Variants in KCNQ2 observed in about 807,000 individuals in gnomAD.
The protein encoded by KCNQ2 is potassium voltage-gated channel subfamily KQT member 2.
KCNQ2 carries 14 observed loss-of-function variants against 84.8 expected under a neutral mutation model. The observed-to-expected ratio is 0.17, with a 90% CI of 0.11 to 0.26. KCNQ2 has a LOEUF of 0.26. KCNQ2 is among the 10% of genes least tolerant of loss of function. KCNQ2 has a pLI of 1.00. For missense variants in KCNQ2, 788 were observed against 1,254.0 expected (o/e 0.63, Z 5.61); for synonymous variants, 599 against 554.1 (o/e 1.08, Z -1.14).
chr20:63,449,162 G>C (rs1450361255), intron 1 of KCNQ2: 1 of 152,412 alleles, frequency 6.6e-6, no homozygotes, highest in African/African-American at 2.4e-5. Flanking sequence ...CAGCACAGAA[G>C]GATGGGAGAA....
At chr20:63,433,613 A>G in intron 8 of KCNQ2, 196 bp downstream of exon 8, 1 of 1,007,954 alleles carries the variant, frequency 9.9e-7, no homozygotes, top group Non-Finnish European at 1.5e-6. Context: ...ATGAAAGTGA[A>G]GAGAAAGCCG....
intron 12 of KCNQ2, 112 bp from the exon 13 acceptor site, chr20:63,415,238 A>G: frequency 1.0e-6 from 1 of 1,000,502 alleles, no homozygotes; most frequent in South Asian, 1.4e-5. Flanking sequence ...CCGGAGGGAG[A>G]CACAGGTCTG....
In KCNQ2 at chr20:63,414,834, C is replaced by T; in HGVS notation, c.1525+69G>A. ...AAGCAGCTGCGACGCCACAGGGTGGCCACAGTAGCGTGGCCACCACATCCA... is the reference window on the plus strand; with the variant it reads ...AAGCAGCTGCGACGCCACAGGGTGGTCACAGTAGCGTGGCCACCACATCCA... On this transcript the variant is annotated intron_variant, in intron 13 of 16. Coordinates refer to ENST00000359125, the MANE Select transcript of KCNQ2 (RefSeq NM_172107.4). This position sits in a 1 kb window ranked among gnomAD's most constrained non-coding sequence, Gnocchi z 6.6. The T allele has an allele frequency of 6.7e-7, 1 of 1,494,274 alleles. No individual in the cohort carries two copies. The highest frequency in any genetic ancestry group is 9.3e-7 in the Non-Finnish European group (1 of 1,074,954). The allele number at this position is 1,494,274 out of a possible 1,614,324, so 92.6% of individuals were successfully genotyped here.
chr20:63,443,049 C>T (rs1350046151), intron 4 of KCNQ2, among the ~76,000 whole-genome samples: 1 of 115,398 alleles, frequency 8.7e-6, no homozygotes, highest in Non-Finnish European at 1.8e-5. Context: ...CCATCACCAT[C>T]ATCAGCATCA....
rs573978693 is a variant in KCNQ2, at chr20:63,451,835, G to A, written c.297-4998C>T. Among the ~76,000 whole-genome samples the A allele has an allele frequency of 5.9e-5, 9 of 152,294 alleles. No individual in the cohort carries two copies. The South Asian group carries it at 1.2e-3, about 21-fold the overall frequency. On this transcript the variant is annotated intron_variant, in intron 1 of 16. Coordinates refer to ENST00000359125, the MANE Select transcript of KCNQ2 (RefSeq NM_172107.4). ...CCTGAGTCCTCTGGCCTGGGCAGGC[G>A]CAGTCCCCATAGCTCCACCTTCCGA...
At chr20:63,409,943 G>C (rs954241443) in intron 15 of KCNQ2, 2 of 247,338 alleles carry the variant, frequency 8.1e-6, no homozygotes, top group Non-Finnish European at 1.6e-5. Flanking sequence ...GGGACTTCCT[G>C]CCACTGGGCT....
chr20:63,439,717 C>G lies in KCNQ2; in HGVS notation c.817-9G>C. The G allele has an allele frequency of 6.2e-7, 1 of 1,601,864 alleles. No homozygotes were observed. Among genetic ancestry groups the G allele is most frequent in the Non-Finnish European group, 8.6e-7 (1 of 1,169,362 alleles). On this transcript the variant is annotated splice_polypyrimidine_tract_variant and intron_variant, in intron 5 of 16. Transcript: ENST00000359125. Reference sequence around the variant, plus strand: ...ATGGTGGTCAGCGTGATCTGTGGGACCGCAGGCTCTAGTCACACGAAGGGC... The same window carrying G: ...ATGGTGGTCAGCGTGATCTGTGGGAGCGCAGGCTCTAGTCACACGAAGGGC...
intron 1 of KCNQ2, among the ~76,000 whole-genome samples, chr20:63,467,245 C>T (rs1024256537): frequency 1.3e-5 from 2 of 152,214 alleles, no homozygotes; most frequent in Non-Finnish European, 2.9e-5. Flanking sequence ...ATTCAAGGCC[C>T]CCACAGGTCC....
chr20:63,401,567 C>T lies in KCNQ2; in HGVS notation c.*5077G>A, dbSNP rs2079809173. 6.6e-6 allele frequency: 1 copy of T among 152,564 alleles called. No homozygotes were observed. Among genetic ancestry groups the T allele is most frequent in the South Asian group, 2.1e-4 (1 of 4,866 alleles). 9.5% of individuals were successfully genotyped at this position (152,564 alleles called of 1,614,324 possible). On this transcript the variant is annotated 3_prime_UTR_variant, in exon 17 of 17. Coordinates refer to ENST00000359125, the MANE Select transcript of KCNQ2 (RefSeq NM_172107.4). Reference sequence around the variant, plus strand: ...GCAGGATGGCTGCCCGGCACAGCCACACAGGCTCCCCAGGCGGCCATTCCG... The same window carrying T: ...GCAGGATGGCTGCCCGGCACAGCCATACAGGCTCCCCAGGCGGCCATTCCG...
chr20:63,410,254 C>T (rs915852059), intron 15 of KCNQ2, among the ~76,000 whole-genome samples: 7 of 152,200 alleles, frequency 4.6e-5, no homozygotes, highest in Admixed American at 2.6e-4. Context: ...CATGACGGGC[C>T]GCCCGCCTGC....
chr20:63,433,988 A>G, intron 7 of KCNQ2, 85 bp from the exon 8 acceptor site: 1 of 1,208,454 alleles, frequency 8.3e-7, no homozygotes, highest in East Asian at 2.3e-5. Flanking sequence ...GGAACGGGGC[A>G]GAGGGGACCC....
chr20:63,434,185 T>C (rs2080918746), intron 7 of KCNQ2: 2 of 501,894 alleles, frequency 4.0e-6, no homozygotes, highest in Admixed American at 7.5e-5. Context: ...GCAGGGAGGC[T>C]GTGTTCTTTC....
chr20:63,466,994 C>T (rs556400938), intron 1 of KCNQ2, among the ~76,000 whole-genome samples: 1 of 152,374 alleles, frequency 6.6e-6, no homozygotes, highest in Admixed American at 6.5e-5. Context: ...GACAAGATGT[C>T]GGACACAAGG....
chr20:63,443,406 C>A, intron 4 of KCNQ2, among the ~76,000 whole-genome samples: 1 of 5,632 alleles, frequency 1.8e-4, no homozygotes, highest in Non-Finnish European at 4.4e-4. Context: ...ACCATCACCA[C>A]CATCACCATC....
chr20:63,460,141 T>A lies in KCNQ2; in HGVS notation c.296+12027A>T, dbSNP rs6062948. On this transcript the variant is annotated intron_variant, in intron 1 of 16. Transcript: ENST00000359125. The surrounding 1 kb of genome is among the most constrained non-coding windows in gnomAD (Gnocchi z 5.4). ...AAACCCGAGCCCCGGAGCTTCCCTGTCATGCACACCCCCATCCCCAGCACC... is the reference window on the plus strand; with the variant it reads ...AAACCCGAGCCCCGGAGCTTCCCTGACATGCACACCCCCATCCCCAGCACC... The A allele has an allele frequency of 0.2, 29,949 of 152,342 alleles. 3,642 individuals carry two copies. The highest frequency in any genetic ancestry group is 0.27 in the Non-Finnish European group (18,476 of 68,112). 9.4% of individuals were successfully genotyped at this position (152,342 alleles called of 1,614,324 possible). A position where few individuals can be genotyped will look rare whatever the true frequency, so the allele number is the denominator to read the frequency against.
chr20:63,468,010 A>G (rs2082122344), intron 1 of KCNQ2, among the ~76,000 whole-genome samples: 1 of 152,210 alleles, frequency 6.6e-6, no homozygotes, highest in African/African-American at 2.4e-5. Context: ...CAGACACAGA[A>G]TGTGCACAGA....
chr20:63,472,277 C>T lies in KCNQ2; in HGVS notation c.187G>A (p.Gly63Ser). The stretch of plus-strand genomic sequence containing the variant: ...TTGCGCTTGGGGGGCTTCCCGGCGC[C>T]CGCGCCGCCCGCGCGAGGTTTGCTG... ...ILSKPRAGGAGAGKPPKRNAF... is the reference protein window; with the variant it reads ...ILSKPRAGGASAGKPPKRNAF... Residue 63 changes from glycine (G) to serine (S), a missense_variant, in exon 1 of 17, where the codon GGC becomes AGC. By Grantham distance (56) the Gly-to-Ser change is moderately conservative. This residue lies in a region of KCNQ2 where 106 missense variants were observed against 214.8 expected (regional missense o/e 0.49). Coordinates refer to ENST00000359125, the MANE Select transcript of KCNQ2 (RefSeq NM_172107.4). The T allele has an allele frequency of 1.3e-6, 2 of 1,537,592 alleles. No individual in the cohort carries two copies. Among genetic ancestry groups the T allele is most frequent in the Non-Finnish European group, 1.8e-6 (2 of 1,142,152 alleles).
chr20:63,418,174 C>G (rs916400839), intron 12 of KCNQ2, among the ~76,000 whole-genome samples: 1 of 152,236 alleles, frequency 6.6e-6, no homozygotes, highest in African/African-American at 2.4e-5. Flanking sequence ...GCAGGCCCTC[C>G]CTCGGCCACA....
At chr20:63,463,499 T>C (rs2082008102) in intron 1 of KCNQ2, among the ~76,000 whole-genome samples, 1 of 152,130 alleles carries the variant, frequency 6.6e-6, no homozygotes, top group African/African-American at 2.4e-5. Flanking sequence ...CTCTGCACCC[T>C]GAGTCCCAGC....
Sources: allele counts gnomAD v4.1 joint callset (sites outside exome capture counted in the v4.1 genomes callset), GRCh38; gene constraint gnomAD v4.1.1; regional missense constraint gnomAD v4.1.1; non-coding constraint Gnocchi (gnomAD v3.1); transcripts MANE v1.5; gene names NCBI Gene and HGNC (gene_info 2026-07-23, HGNC 2026-07-21).